The following KIAA0513 variants were observed in gnomAD, a reference collection of about 807,000 sequenced individuals.
KIAA0513 encodes the protein uncharacterized protein KIAA0513.
A neutral mutation model predicts 56.5 loss-of-function variants in KIAA0513; 39 were observed. The ratio of observed to expected loss-of-function variants is 0.69; its 90% CI spans 0.53 to 0.90. The LOEUF (loss-of-function observed/expected upper bound fraction) is 0.90, where lower values mean the gene tolerates loss of function less well. KIAA0513 is among the 40% of genes least tolerant of loss of function. The pLI is 0.00. For synonymous variants in KIAA0513, 268 were observed against 215.6 expected (o/e 1.24, Z -2.13); for missense variants, 591 against 535.2 (o/e 1.10, Z -1.03).
Position 85,081,026 on chromosome 16 carries a change from T to G in KIAA0513, c.903-289T>G, listed in dbSNP as rs1002096156. ...GTCCTACAGATGGTGGCTTCAACTT[T>G]GCCCGCCAGTGCCCTCCTGCCTGCA... On this transcript the variant is annotated intron_variant, in intron 8 of 12. Coordinates refer to ENST00000683363, the MANE Select transcript of KIAA0513 (RefSeq NM_001388359.1). This position sits in a 1 kb window ranked among gnomAD's most constrained non-coding sequence, Gnocchi z 4.4. Among the ~76,000 whole-genome samples the G allele has an allele frequency of 3.3e-5, 5 of 152,188 alleles. No individual in the cohort carries two copies. Among genetic ancestry groups the G allele is most frequent in the African/African-American group, 1.2e-4 (5 of 41,464 alleles).
At position 85,078,968 on chromosome 16, in the gene KIAA0513, C is replaced by A. The variant is rs554566863; in HGVS notation, c.867C>A (p.Ile289=). The change falls in exon 8 of 13, where the codon ATC becomes ATA. Residue 289 remains isoleucine (I), a synonymous_variant. Coordinates refer to ENST00000683363, the MANE Select transcript of KIAA0513 (RefSeq NM_001388359.1). ...SPEDEKKGEK[I]YLYTHLKQQP... is the part of the protein sequence containing the mutation. Reference sequence around the variant, plus strand: ...AGGACGAAAAGAAGGGGGAGAAGATCTACCTGTACACGCACCTGAAGCAAC... The same window carrying A: ...AGGACGAAAAGAAGGGGGAGAAGATATACCTGTACACGCACCTGAAGCAAC... 2.5e-6 allele frequency: 4 copies of A among 1,614,192 alleles called. No individual in the cohort carries two copies. The Admixed American group carries it at 6.7e-5, about 27-fold the overall frequency.
chr16:85,070,496 G>T (rs1041877114), intron 2 of KIAA0513, among the ~76,000 whole-genome samples: 1 of 152,148 alleles, frequency 6.6e-6, no homozygotes, highest in African/African-American at 2.4e-5. Context: ...TGGCCAACAT[G>T]ATGAAACCCC....
At chr16:85,070,249 C>T (rs189468164) in intron 2 of KIAA0513, among the ~76,000 whole-genome samples, 2 of 152,086 alleles carry the variant, frequency 1.3e-5, no homozygotes, top group East Asian at 3.9e-4. Flanking sequence ...ATTTGAGTCC[C>T]GCATGTGTAA....
At chr16:85,082,518 G>T (rs1428069634) in intron 9 of KIAA0513, 46 bp from the exon 10 acceptor site, 5 of 1,603,978 alleles carry the variant, frequency 3.1e-6, no homozygotes, top group Non-Finnish European at 4.3e-6. Flanking sequence ...TATCTTGCAT[G>T]ACTTTGACAT....
At chr16:85,088,147 G>A in intron 12 of KIAA0513, 129 bp from the exon 13 acceptor site, 1 of 799,344 alleles carries the variant, frequency 1.3e-6, no homozygotes, top group Admixed American at 1.8e-5. Flanking sequence ...GCAGAAGGCA[G>A]TGTGGTTCAG....
intron 1 of KIAA0513, among the ~76,000 whole-genome samples, chr16:85,030,634 C>A (rs1365637906): frequency 6.6e-6 from 1 of 151,804 alleles, no homozygotes; most frequent in Non-Finnish European, 1.5e-5. Context: ...GTAATCCCAG[C>A]TACTCAGGAG....
intron 1 of KIAA0513, among the ~76,000 whole-genome samples, chr16:85,044,163 T>C (rs2073140009): frequency 6.6e-6 from 1 of 152,260 alleles, no homozygotes; most frequent in Non-Finnish European, 1.5e-5. Flanking sequence ...TTTCCTTTTG[T>C]AGTCACTCAT....
At chr16:85,080,088 T>G (rs1320661028) in intron 8 of KIAA0513, among the ~76,000 whole-genome samples, 1 of 152,118 alleles carries the variant, frequency 6.6e-6, no homozygotes, top group African/African-American at 2.4e-5. Flanking sequence ...CAGGGAGCGC[T>G]GCCGGGACCC....
At chr16:85,035,281 C>T (rs934329237) in intron 1 of KIAA0513, among the ~76,000 whole-genome samples, 2 of 152,182 alleles carry the variant, frequency 1.3e-5, no homozygotes, top group Non-Finnish European at 2.9e-5. Flanking sequence ...GCTCGTTCTT[C>T]GGTTCCCCAG....
At position 85,038,557 on chromosome 16, in the gene KIAA0513, A is replaced by G. The variant is rs181220033; in HGVS notation, c.-173+10699A>G. Among the ~76,000 whole-genome samples, 582 of 152,112 alleles carry G rather than the reference A, an allele frequency of 3.8e-3. 3 individuals are homozygous for G. Among genetic ancestry groups the G allele is most frequent in the African/African-American group, 0.013 (555 of 41,470 alleles). ...CTCCATGTCTACTAAAAAGACAAAA[A>G]GATAGCTGGGCGTGGTGGTGGGCAC... On this transcript the variant is annotated intron_variant, in intron 1 of 12. Transcript: ENST00000683363.
Position 85,088,598 on chromosome 16 carries a change from G to T in KIAA0513, c.*273G>T. The T allele has an allele frequency of 2.1e-6, 1 of 474,376 alleles. No homozygotes were observed. Among genetic ancestry groups the T allele is most frequent in the Non-Finnish European group, 3.8e-6 (1 of 261,154 alleles). The allele number at this position is 474,376 out of a possible 1,614,324, so 29.4% of individuals were successfully genotyped here. On this transcript the variant is annotated 3_prime_UTR_variant, in exon 13 of 13. Coordinates refer to ENST00000683363, the MANE Select transcript of KIAA0513 (RefSeq NM_001388359.1). ...TGTACCCCGAGTGCCAGGCTTGTGA[G>T]ATGAGACCAAGAGGGAGGAGGGGAA...
chr16:85,081,175 T>C lies in KIAA0513; in HGVS notation c.903-140T>C. 1 of 751,982 alleles carries C rather than the reference T, an allele frequency of 1.3e-6. No individual in the cohort carries two copies. The highest frequency in any genetic ancestry group is 1.5e-5 in the South Asian group (1 of 65,350). 46.6% of individuals were successfully genotyped at this position (751,982 alleles called of 1,614,324 possible). ...TCAAGCCATATGCTCAGTTTTTCCT[T>C]CTCAGCCCTACCTCTCTGAGACTTC... On this transcript the variant is annotated intron_variant, in intron 8 of 12. Coordinates refer to ENST00000683363, the MANE Select transcript of KIAA0513 (RefSeq NM_001388359.1). The surrounding 1 kb of genome is among the most constrained non-coding windows in gnomAD (Gnocchi z 4.4).
At chr16:85,038,734 A>T (rs1446975705) in intron 1 of KIAA0513, among the ~76,000 whole-genome samples, 4 of 137,030 alleles carry the variant, frequency 2.9e-5, no homozygotes, top group Non-Finnish European at 4.7e-5. Context: ...TAATAATAAT[A>T]ATATCTTTGT....
At chr16:85,049,570 G>C (rs1034462766) in intron 1 of KIAA0513, among the ~76,000 whole-genome samples, 2 of 152,158 alleles carry the variant, frequency 1.3e-5, no homozygotes, top group South Asian at 4.1e-4. Flanking sequence ...ATGAGATCTG[G>C]TTGTTTAAAA....
intron 1 of KIAA0513, among the ~76,000 whole-genome samples, chr16:85,048,779 A>G (rs993525634): frequency 7.2e-5 from 11 of 152,216 alleles, no homozygotes; most frequent in African/African-American, 2.7e-4. Context: ...TACTAATCAA[A>G]TATTGTTAAA....
At chr16:85,082,427 G>A (rs9807007) in intron 9 of KIAA0513, 137 bp from the exon 10 acceptor site, 37 of 791,856 alleles carry the variant, frequency 4.7e-5, no homozygotes, top group Admixed American at 4.1e-4. Flanking sequence ...AATTTATTTC[G>A]AATATTCCTG....
intron 1 of KIAA0513, among the ~76,000 whole-genome samples, chr16:85,045,605 C>G (rs1381532639): frequency 6.6e-6 from 1 of 152,202 alleles, no homozygotes; most frequent in African/African-American, 2.4e-5. Context: ...ATCCACCTGC[C>G]TCGGCCTCCC....
intron 1 of KIAA0513, among the ~76,000 whole-genome samples, chr16:85,030,920 G>A (rs2072955841): frequency 6.6e-6 from 1 of 152,114 alleles, no homozygotes; most frequent in Admixed American, 6.6e-5. Context: ...GAAAGCCAAG[G>A]CAATCCCCAG....
chr16:85,048,073 G>A (rs940877128), intron 1 of KIAA0513, among the ~76,000 whole-genome samples: 4 of 152,120 alleles, frequency 2.6e-5, no homozygotes, highest in African/African-American at 7.2e-5. Flanking sequence ...AAACAGAAAC[G>A]TCTGGGATTA....
Sources: allele counts gnomAD v4.1 joint callset (sites outside exome capture counted in the v4.1 genomes callset), GRCh38; gene constraint gnomAD v4.1.1; non-coding constraint Gnocchi (gnomAD v3.1); transcripts MANE v1.5; gene names NCBI Gene and HGNC (gene_info 2026-07-23, HGNC 2026-07-21).